Variants in FA2H observed in about 807,000 individuals in gnomAD.
FA2H encodes fatty acid alpha-hydroxylase.
Under a neutral mutation model 44.9 loss-of-function variants are expected in FA2H, and 22 were observed. The ratio of observed to expected loss-of-function variants is 0.49; its 90% confidence interval spans 0.35 to 0.70. The LOEUF (loss-of-function observed/expected upper bound fraction) is 0.70. Ranked by LOEUF, FA2H falls within the 30% of genes least tolerant of loss-of-function variation. The pLI, the probability that FA2H is intolerant of heterozygous loss-of-function variation, is 0.01. For missense variants in FA2H, 501 were observed against 504.9 expected (o/e 0.99, Z 0.07); for synonymous variants, 243 against 213.2 (o/e 1.14, Z -1.22).
intron 4 of FA2H, among the ~76,000 whole-genome samples, chr16:74,720,582 T>C (rs2144608637): frequency 6.6e-6 from 1 of 152,278 alleles, no homozygotes; most frequent in Middle Eastern, 3.4e-3. Context: ...TTTATCTAAA[T>C]CTAATTCACA....
intron 1 of FA2H, among the ~76,000 whole-genome samples, chr16:74,758,792 G>T (rs1962658851): frequency 6.6e-6 from 1 of 152,132 alleles, no homozygotes; most frequent in South Asian, 2.1e-4. Flanking sequence ...TTAAAAAAAT[G>T]CAAGTGTCTA....
intron 4 of FA2H, among the ~76,000 whole-genome samples, chr16:74,725,228 A>G (rs1809799206): frequency 6.6e-6 from 1 of 152,176 alleles, no homozygotes; most frequent in African/African-American, 2.4e-5. Context: ...GAAGTTCCTG[A>G]TGCCGTGACC....
At position 74,726,363 on chromosome 16, in the gene FA2H, C is replaced by A. The variant is rs557192988; in HGVS notation, c.507-32G>T. 1.1e-5 allele frequency: 15 copies of A among 1,341,728 alleles called. No individual in the cohort carries two copies. The African/African-American group carries it at 1.4e-4, about 13-fold the overall frequency. The allele number at this position is 1,341,728 out of a possible 1,614,324, so 83.1% of individuals were successfully genotyped here. Reference sequence around the variant, plus strand: ...GAAGGCCATCAGGGTGAGAGAGATACATGCACAGGAGCTTGACAGAGTACA... The same window carrying A: ...GAAGGCCATCAGGGTGAGAGAGATAAATGCACAGGAGCTTGACAGAGTACA... On this transcript the variant is annotated intron_variant, in intron 3 of 6. Transcript: ENST00000219368.
rs2144672347 is a variant in FA2H at position 74,774,546 on chromosome 16, C to T, written c.210G>A (p.Ser70=). The change falls in exon 1 of 7, where the codon TCG becomes TCA. Residue 70 remains serine, a synonymous_variant. Coordinates refer to ENST00000219368, the MANE Select transcript of FA2H (RefSeq NM_024306.5). The part of the protein sequence containing the change: ...ADLDGPPHRH[S]ANARRWLEQY... ...GCTCCAGCCAGCGGCGCGCGTTGGC[C>T]GAGTGCCTGTGCGGCGGCCCGTCCA... 1 of 1,545,484 alleles carries T rather than the reference C, an allele frequency of 6.5e-7. No homozygotes were observed. Among genetic ancestry groups the T allele is most frequent in the Non-Finnish European group, 8.7e-7 (1 of 1,155,846 alleles).
At chr16:74,744,279 G>A (rs987503262) in intron 1 of FA2H, among the ~76,000 whole-genome samples, 26 of 152,234 alleles carry the variant, frequency 1.7e-4, no homozygotes, top group Non-Finnish European at 8.8e-5. Flanking sequence ...GCTTTAAAAG[G>A]CTTTTAGAAA....
chr16:74,749,774 C>CTGT (rs1026362690), intron 1 of FA2H, among the ~76,000 whole-genome samples: 9 of 152,206 alleles, frequency 5.9e-5, no homozygotes, highest in African/African-American at 2.2e-4. Flanking sequence ...TTGCCACTGA[C>CTGT]TGTTGGCAGC....
At chr16:74,715,760 C>T (rs1961678006) in intron 6 of FA2H, among the ~76,000 whole-genome samples, 1 of 151,908 alleles carries the variant, frequency 6.6e-6, no homozygotes, top group African/African-American at 2.4e-5. Flanking sequence ...AATCGCTGGA[C>T]CCTCCCCCAC....
At chr16:74,727,127 C>G (rs905410411) in intron 3 of FA2H, 117 bp downstream of exon 3, 3 of 1,392,896 alleles carry the variant, frequency 2.2e-6, no homozygotes, top group Non-Finnish European at 3.0e-6. Context: ...TCCCTGACAG[C>G]TTTACAGCAT....
intron 1 of FA2H, among the ~76,000 whole-genome samples, chr16:74,774,052 G>C (rs1299904190): frequency 6.6e-6 from 1 of 152,116 alleles, no homozygotes; most frequent in Non-Finnish European, 1.5e-5. Flanking sequence ...ATGGGGAGGT[G>C]GGAACAGGTT....
intron 1 of FA2H, among the ~76,000 whole-genome samples, chr16:74,743,205 A>G (rs1471547111): frequency 2.0e-5 from 3 of 152,192 alleles, no homozygotes; most frequent in Non-Finnish European, 1.5e-5. Context: ...TTCTGTTTTT[A>G]TGAGCATTAA....
intron 4 of FA2H, among the ~76,000 whole-genome samples, chr16:74,719,862 G>A (rs916503884): frequency 6.6e-6 from 1 of 151,824 alleles, no homozygotes; most frequent in Non-Finnish European, 1.5e-5. Flanking sequence ...GGCCTCCAGG[G>A]TGTTAATGAT....
At chr16:74,758,131 T>G (rs1449321980) in intron 1 of FA2H, among the ~76,000 whole-genome samples, 1 of 149,800 alleles carries the variant, frequency 6.7e-6, no homozygotes, top group African/African-American at 2.5e-5. Flanking sequence ...TTTTTTTTTT[T>G]TTTTTTTGAG....
intron 1 of FA2H, among the ~76,000 whole-genome samples, chr16:74,752,368 G>T (rs1263696995): frequency 6.6e-6 from 1 of 152,084 alleles, no homozygotes; most frequent in East Asian, 1.9e-4. Flanking sequence ...TGACCCATGA[G>T]CCCCACCAAG....
chr16:74,720,180 C>CT (rs56341013), intron 4 of FA2H, among the ~76,000 whole-genome samples: 1,274 of 47,238 alleles, frequency 0.027, 333 homozygotes, highest in African/African-American at 0.086. Flanking sequence ...CATCCTCATC[C>CT]TTTTTTTTTT....
At chr16:74,762,809 T>G (rs1183066079) in intron 1 of FA2H, among the ~76,000 whole-genome samples, 1 of 152,238 alleles carries the variant, frequency 6.6e-6, no homozygotes, top group African/African-American at 2.4e-5. Context: ...ATTACAGGCA[T>G]GAGCCACTGC....
intron 1 of FA2H, among the ~76,000 whole-genome samples, chr16:74,765,068 G>A (rs1428650375): frequency 6.6e-6 from 1 of 152,166 alleles, no homozygotes; most frequent in Non-Finnish European, 1.5e-5. Flanking sequence ...CGAGGACAAA[G>A]GCAGAAATGA....
chr16:74,748,124 T>C (rs1445727219), intron 1 of FA2H, among the ~76,000 whole-genome samples: 2 of 152,190 alleles, frequency 1.3e-5, no homozygotes, highest in African/African-American at 4.8e-5. Context: ...GGCATTCAAA[T>C]AGGTCCGTTC....
intron 5 of FA2H, among the ~76,000 whole-genome samples, chr16:74,718,065 G>C (rs1961745292): frequency 6.6e-6 from 1 of 152,276 alleles, no homozygotes; most frequent in South Asian, 2.1e-4. Context: ...CCCCTAGGAT[G>C]CAGATCAACT....
chr16:74,749,940 C>G (rs1393271898), intron 1 of FA2H, among the ~76,000 whole-genome samples: 1 of 152,174 alleles, frequency 6.6e-6, no homozygotes, highest in Non-Finnish European at 1.5e-5. Flanking sequence ...GGGAGCACAG[C>G]TGGAAGGGAC....
Sources: allele counts gnomAD v4.1 joint callset (sites outside exome capture counted in the v4.1 genomes callset), GRCh38; gene constraint gnomAD v4.1.1; transcripts MANE v1.5; gene names NCBI Gene and HGNC (gene_info 2026-07-23, HGNC 2026-07-21).